Variants in PHYKPL observed in about 807,000 individuals in gnomAD.
PHYKPL encodes the protein 5-phosphohydroxy-L-lysine phospho-lyase.
In PHYKPL, 42 loss-of-function variants were observed where a neutral mutation model predicts 51.3. The ratio of observed to expected loss-of-function variants is 0.82; its 90% confidence interval spans 0.64 to 1.06. PHYKPL has a LOEUF of 1.06. Among genes scored for constraint, PHYKPL ranks in the 50% least tolerant of loss-of-function variants. The pLI is 0.00. For synonymous variants in PHYKPL, 264 were observed against 236.0 expected (o/e 1.12, Z -1.09); for missense variants, 655 against 586.6 (o/e 1.12, Z -1.20).
intron 12 of PHYKPL, chr5:178,210,038 T>TA: frequency 6.5e-7 from 1 of 1,545,426 alleles, no homozygotes; most frequent in Non-Finnish European, 8.7e-7. Context: ...GTTGCCACAG[T>TA]AACCCTGCCA....
intron 7 of PHYKPL, 29 bp downstream of exon 7, chr5:178,222,823 C>A (rs530714439): frequency 2.5e-6 from 4 of 1,611,340 alleles, no homozygotes; most frequent in Non-Finnish European, 3.4e-6. Flanking sequence ...CCCTGCCCTC[C>A]CTAGAGCAGA....
intron 11 of PHYKPL, 59 bp from the exon 12 acceptor site, chr5:178,212,029 G>A (rs375880735): frequency 1.2e-4 from 183 of 1,577,790 alleles, no homozygotes; most frequent in Non-Finnish European, 1.4e-4. Context: ...AAGATGCCCT[G>A]TTGACTTCAG....
At chr5:178,229,442 C>G (rs1762943840) in intron 3 of PHYKPL, among the ~76,000 whole-genome samples, 1 of 152,168 alleles carries the variant, frequency 6.6e-6, no homozygotes, top group South Asian at 2.1e-4. Flanking sequence ...CAGCACCCTT[C>G]CTTCCTCCTC....
intron 3 of PHYKPL, 129 bp downstream of exon 3, chr5:178,229,811 G>C (rs1292249201): frequency 8.5e-6 from 10 of 1,182,374 alleles, no homozygotes; most frequent in Middle Eastern, 2.0e-4. Context: ...GGAATCTCAG[G>C]AGCCTGGTGC....
chr5:178,222,268 C>T (rs1761314492), intron 8 of PHYKPL, 87 bp downstream of exon 8: 1 of 1,213,440 alleles, frequency 8.2e-7, no homozygotes. Context: ...AGTGCTAGCC[C>T]TGTAGCCTTT....
At chr5:178,228,888 A>C (rs893885994) in intron 3 of PHYKPL, among the ~76,000 whole-genome samples, 1 of 152,206 alleles carries the variant, frequency 6.6e-6, no homozygotes, top group Non-Finnish European at 1.5e-5. Context: ...TAGTTTCCCA[A>C]TGCTCTTAGG....
At chr5:178,220,727 A>C (rs1760998641) in intron 8 of PHYKPL, among the ~76,000 whole-genome samples, 1 of 66,728 alleles carries the variant, frequency 1.5e-5, no homozygotes, top group East Asian at 2.7e-4. Flanking sequence ...ATTGCAAAAA[A>C]AAAAAAAAAA....
Position 178,222,911 on chromosome 5 carries a change from A to G in PHYKPL, c.642T>C (p.Ser214=). The G allele has an allele frequency of 1.2e-6, 2 of 1,614,154 alleles. No individual in the cohort carries two copies. Among genetic ancestry groups the G allele is most frequent in the Non-Finnish European group, 1.7e-6 (2 of 1,180,012 alleles). The stretch of plus-strand genomic sequence containing the variant: ...TGATCTGCCCTCCCACACTGGGCAG[A>G]GACTCAGCGAAGAAGGCTGCAATCT... ...GRKIAAFFAE[S]LPSVGGQIIP... The change falls in exon 7 of 13, where the codon TCT becomes TCC. Residue 214 remains serine (S), a synonymous_variant. Transcript: ENST00000308158.
chr5:178,231,864 T>C, intron 1 of PHYKPL: 1 of 1,332,410 alleles, frequency 7.5e-7, no homozygotes. Context: ...TAAGGCCGCG[T>C]GTCTTCGATG....
intron 3 of PHYKPL, 183 bp from the exon 4 acceptor site, chr5:178,225,612 G>A (rs1762134660): frequency 1.6e-6 from 1 of 612,574 alleles, no homozygotes. Flanking sequence ...GGGGGAAAAA[G>A]AGTAGGTAAA....
chr5:178,210,633 A>C (rs146209319), intron 12 of PHYKPL: 2 of 1,609,040 alleles, frequency 1.2e-6, no homozygotes, highest in Non-Finnish European at 1.7e-6. Flanking sequence ...AGGCGGCAGC[A>C]GGAGCGACCA....
Position 178,224,429 on chromosome 5 carries a change from C to G in PHYKPL, c.618+19G>C, listed in dbSNP as rs200663099. The G allele has an allele frequency of 4.5e-5, 69 of 1,548,544 alleles. No individual in the cohort carries two copies. In the African/African-American group the frequency reaches 8.0e-4, roughly 18 times the overall value. ...GACATTCACTGTTGGCTGGATTGGA[C>G]AGGCGCGGACACGGTTACCTTCCTG... On this transcript the variant is annotated intron_variant, in intron 6 of 12. Transcript: ENST00000308158.
intron 3 of PHYKPL, among the ~76,000 whole-genome samples, chr5:178,227,563 C>T (rs940852906): frequency 9.2e-5 from 14 of 152,086 alleles, no homozygotes; most frequent in African/African-American, 3.4e-4. Flanking sequence ...CTCCGGGAAC[C>T]AGGAGAAGAT....
At chr5:178,208,424 G>T, downstream of PHYKPL, 1 of 152,352 alleles carries the variant, frequency 6.6e-6, no homozygotes. Flanking sequence ...AATGGGAAAT[G>T]GGTGGGAAGA....
At chr5:178,212,016 C>T in intron 11 of PHYKPL, 46 bp from the exon 12 acceptor site, 1 of 1,605,792 alleles carries the variant, frequency 6.2e-7, no homozygotes, top group South Asian at 1.1e-5. Flanking sequence ...CCTTTCTCTG[C>T]TGAAGATGCC....
Position 178,213,040 on chromosome 5 carries a change from C to A in PHYKPL, c.1236G>T (p.Lys412Asn). ...DGPGRNILKFKPPMCFSLDNA... is the reference protein window; with the variant it reads ...DGPGRNILKFNPPMCFSLDNA... ...TGTCCAGGCTGAAGCACATTGGGGG[C>A]TTAAACTTCAGGATGTTCCTCCCAG... is the stretch of plus-strand genomic sequence containing the variant. The change falls in exon 11 of 13, where the codon AAG (lysine) becomes AAT (asparagine). Residue 412 changes from lysine (K) to asparagine (N), a missense_variant. Lys to Asn is a moderately conservative substitution (Grantham distance 94, BLOSUM62 0). Transcript: ENST00000308158. 6.2e-7 allele frequency: 1 copy of A among 1,614,232 alleles called. No homozygotes were observed. The highest frequency in any genetic ancestry group is 8.5e-7 in the Non-Finnish European group (1 of 1,180,034).
At chr5:178,223,512 T>G in intron 6 of PHYKPL, 1 of 456,198 alleles carries the variant, frequency 2.2e-6, no homozygotes, top group South Asian at 1.5e-5. Context: ...CCAACCATAT[T>G]CTGCCTTACA....
chr5:178,221,450 A>G (rs1305757300), intron 8 of PHYKPL, among the ~76,000 whole-genome samples: 1 of 152,036 alleles, frequency 6.6e-6, no homozygotes, highest in Non-Finnish European at 1.5e-5. Flanking sequence ...TGTCATGACC[A>G]TGTGTCTGTG....
At chr5:178,210,013 T>G in intron 12 of PHYKPL, 1 of 1,423,254 alleles carries the variant, frequency 7.0e-7, no homozygotes, top group South Asian at 1.4e-5. Context: ...CAGCAGCCCC[T>G]TGGCTTCTGC....
Sources: allele counts gnomAD v4.1 joint callset (sites outside exome capture counted in the v4.1 genomes callset), GRCh38; gene constraint gnomAD v4.1.1; transcripts MANE v1.5; gene names NCBI Gene and HGNC (gene_info 2026-07-23, HGNC 2026-07-21).